SPG11: variants seen among roughly 807,000 people sequenced by gnomAD.
SPG11 encodes the protein spatacsin.
In SPG11, 222 loss-of-function variants were observed where a neutral mutation model predicts 274.0. The ratio of observed to expected loss-of-function variants is 0.81; its 90% CI spans 0.73 to 0.91. The LOEUF (loss-of-function observed/expected upper bound fraction) is 0.91, where lower values mean the gene tolerates loss of function less well. Ranked by LOEUF, SPG11 falls within the 40% of genes least tolerant of loss-of-function variation. The pLI is 0.00. For missense variants in SPG11, 3,114 were observed against 2,872.7 expected (o/e 1.08, Z -1.92); for synonymous variants, 1,144 against 1,039.7 (o/e 1.10, Z -1.93).
chr15:44,573,297 T>C, intron 32 of SPG11: 1 of 617,896 alleles, frequency 1.6e-6, no homozygotes, highest in South Asian at 2.0e-5. Context: ...GACAGTTCTT[T>C]AGCTCAGAAA....
At chr15:44,605,752 AC>A (rs2083302510) in intron 20 of SPG11, among the ~76,000 whole-genome samples, 1 of 152,246 alleles carries the variant, frequency 6.6e-6, no homozygotes, top group Admixed American at 6.5e-5. Flanking sequence ...ATGATACTAT[AC>A]TGGAAATGAA....
chr15:44,579,124 C>T (rs2082607238), intron 30 of SPG11, among the ~76,000 whole-genome samples: 2 of 152,036 alleles, frequency 1.3e-5, no homozygotes, highest in Admixed American at 1.3e-4. Context: ...CACCACTGCA[C>T]TCCAGCCTGG....
chr15:44,577,192 A>T (rs2082557316), intron 30 of SPG11, among the ~76,000 whole-genome samples: 1 of 152,088 alleles, frequency 6.6e-6, no homozygotes, highest in South Asian at 2.1e-4. Context: ...CACAATTTTT[A>T]TTTTAAAATA....
Position 44,583,903 on chromosome 15 carries a change from T to A in SPG11, c.5777A>T (p.Asp1926Val). Residue 1926 changes from aspartate to valine, a missense_variant, in exon 30 of 40, where the codon GAT becomes GTT. Asp to Val is a radical substitution (Grantham distance 152, BLOSUM62 -3). Coordinates refer to ENST00000261866, the MANE Select transcript of SPG11 (RefSeq NM_025137.4). Reference protein sequence around the residue: ...ALASGEASMEDLHPEIHALLQ... With the variant: ...ALASGEASMEVLHPEIHALLQ... Reference sequence around the variant, plus strand: ...GAGAGCATGGATCTCTGGGTGCAGATCCTCCATACTAGCTTCCCCTGAGGC... The same window carrying A: ...GAGAGCATGGATCTCTGGGTGCAGAACCTCCATACTAGCTTCCCCTGAGGC... The A allele has an allele frequency of 1.9e-6, 3 of 1,614,172 alleles. No homozygotes were observed. The highest frequency in any genetic ancestry group is 2.5e-6 in the Non-Finnish European group (3 of 1,180,036).
At chr15:44,604,584 C>T (rs886715086) in intron 20 of SPG11, among the ~76,000 whole-genome samples, 3 of 151,936 alleles carry the variant, frequency 2.0e-5, no homozygotes, top group African/African-American at 7.3e-5. Flanking sequence ...GTGGTAAAAC[C>T]ATAAGAAAAA....
intron 31 of SPG11, among the ~76,000 whole-genome samples, chr15:44,574,118 C>T (rs2082484804): frequency 1.3e-5 from 2 of 152,318 alleles, no homozygotes; most frequent in East Asian, 1.9e-4. Context: ...ATTCTCCTGC[C>T]TCAGCCTCTC....
intron 19 of SPG11, 66 bp downstream of exon 19, chr15:44,608,378 A>G: frequency 6.5e-7 from 1 of 1,527,868 alleles, no homozygotes; most frequent in Admixed American, 1.7e-5. Flanking sequence ...TGAAAGATCT[A>G]GAGTGATTTC....
intron 7 of SPG11, among the ~76,000 whole-genome samples, chr15:44,638,496 C>CA (rs777503300): frequency 8.7e-6 from 1 of 115,002 alleles, no homozygotes; most frequent in African/African-American, 3.0e-5. Context: ...AAAAAAACCA[C>CA]AAAACCCCCC....
intron 30 of SPG11, among the ~76,000 whole-genome samples, chr15:44,581,072 T>A (rs1388844173): frequency 6.6e-6 from 1 of 151,370 alleles, no homozygotes; most frequent in Admixed American, 6.6e-5. Context: ...AAAAAAAACA[T>A]CGAGAGCAAC....
At chr15:44,617,407 G>A (rs918476838) in intron 15 of SPG11, among the ~76,000 whole-genome samples, 2 of 152,184 alleles carry the variant, frequency 1.3e-5, no homozygotes, top group African/African-American at 4.8e-5. Context: ...CACAAGGTAG[G>A]GAGGGGAATC....
chr15:44,592,455 G>GA lies in SPG11; in HGVS notation c.4636-18dup, dbSNP rs750746651. The GA allele has an allele frequency of 6.8e-7, 1 of 1,464,584 alleles. No homozygotes were observed. Among genetic ancestry groups the GA allele is most frequent in the East Asian group, 2.3e-5 (1 of 44,212 alleles). 90.7% of individuals were successfully genotyped at this position (1,464,584 alleles called of 1,614,324 possible). On this transcript the variant is annotated splice_polypyrimidine_tract_variant and intron_variant, in intron 26 of 39. Transcript: ENST00000261866. The stretch of plus-strand genomic sequence containing the variant: ...CGGGGAATCCTTTGACAAAGAGTTT[G>GA]AAAAAAATTACAAAATTTTGAACTT...
chr15:44,622,938 C>A, intron 11 of SPG11, 139 bp from the exon 12 acceptor site: 1 of 746,652 alleles, frequency 1.3e-6, no homozygotes, highest in Non-Finnish European at 2.4e-6. Flanking sequence ...CTCTTTCAAA[C>A]ACTCATTTCC....
At chr15:44,574,185 G>A (rs1219750959) in intron 31 of SPG11, among the ~76,000 whole-genome samples, 1 of 152,146 alleles carries the variant, frequency 6.6e-6, no homozygotes, top group African/African-American at 2.4e-5. Context: ...AGTATTTTTG[G>A]TAGAGATGGG....
chr15:44,627,353 C>A (rs1029354174), intron 10 of SPG11, among the ~76,000 whole-genome samples: 2 of 152,100 alleles, frequency 1.3e-5, no homozygotes, highest in Non-Finnish European at 2.9e-5. Flanking sequence ...CCCATTAAGC[C>A]ATGTATAAAA....
At chr15:44,617,819 G>T (rs2083628423) in intron 15 of SPG11, among the ~76,000 whole-genome samples, 1 of 151,990 alleles carries the variant, frequency 6.6e-6, no homozygotes, top group South Asian at 2.1e-4. Context: ...GGGATTACAA[G>T]CAAGTGCCAC....
intron 15 of SPG11, among the ~76,000 whole-genome samples, chr15:44,616,122 C>T (rs2083587275): frequency 1.3e-5 from 2 of 151,944 alleles, no homozygotes. Flanking sequence ...ATTATAAGCC[C>T]TTGGTATATT....
At chr15:44,570,738 A>C in intron 33 of SPG11, 80 bp from the exon 34 acceptor site, 1 of 1,554,410 alleles carries the variant, frequency 6.4e-7, no homozygotes, top group Non-Finnish European at 8.7e-7. Context: ...GGAGGGAAAA[A>C]GGGCCTGGTG....
At chr15:44,568,598 AG>A (rs1372338293) in intron 35 of SPG11, among the ~76,000 whole-genome samples, 1 of 152,256 alleles carries the variant, frequency 6.6e-6, no homozygotes, top group Non-Finnish European at 1.5e-5. Flanking sequence ...TAAACAAGTC[AG>A]GCCTTTGCTT....
At chr15:44,594,716 T>C (rs1367812963) in intron 26 of SPG11, among the ~76,000 whole-genome samples, 1 of 152,032 alleles carries the variant, frequency 6.6e-6, no homozygotes, top group Non-Finnish European at 1.5e-5. Context: ...TGAGCCTTAT[T>C]ATGACACTGA....
Sources: allele counts gnomAD v4.1 joint callset (sites outside exome capture counted in the v4.1 genomes callset), GRCh38; gene constraint gnomAD v4.1.1; transcripts MANE v1.5; gene names NCBI Gene and HGNC (gene_info 2026-07-23, HGNC 2026-07-21).